CNTN5: variants seen among roughly 807,000 people sequenced by gnomAD.
CNTN5 encodes the protein contactin 5, also known as contactin-5.
A neutral mutation model predicts 129.1 loss-of-function variants in CNTN5; 77 were observed. The ratio of observed to expected loss-of-function variants is 0.60; its 90% CI spans 0.50 to 0.72. The LOEUF (loss-of-function observed/expected upper bound fraction) is 0.72, where lower values mean the gene tolerates loss of function less well. CNTN5 is among the 30% of genes least tolerant of loss of function. The pLI is 0.00. For synonymous variants in CNTN5, 509 were observed against 465.6 expected, an observed-to-expected ratio of 1.09 and a Z score of -1.20; for missense variants, 1,478 against 1,328.8, an observed-to-expected ratio of 1.11 and a Z score of -1.75.
intron 3 of CNTN5, among the ~76,000 whole-genome samples, chr11:99,784,495 C>T (rs1431867788): frequency 1.3e-5 from 2 of 151,798 alleles, no homozygotes; most frequent in Non-Finnish European, 2.9e-5. Context: ...TGGGTTGGTT[C>T]CAAGTCTTTC....
chr11:100,332,948 A>G (rs761591311), intron 21 of CNTN5, among the ~76,000 whole-genome samples: 14 of 152,148 alleles, frequency 9.2e-5, no homozygotes, highest in Non-Finnish European at 1.8e-4. Flanking sequence ...ACCCAGAGCA[A>G]TCAGACAACA....
chr11:99,889,909 A>G (rs1427969551), intron 6 of CNTN5, among the ~76,000 whole-genome samples: 1 of 152,172 alleles, frequency 6.6e-6, no homozygotes, highest in African/African-American at 2.4e-5. Context: ...TAACTTATCT[A>G]AAAATTATTT....
intron 21 of CNTN5, among the ~76,000 whole-genome samples, chr11:100,327,610 A>G (rs978615580): frequency 5.3e-5 from 8 of 152,204 alleles, no homozygotes; most frequent in African/African-American, 1.7e-4. Flanking sequence ...TTTATTCAAC[A>G]GATCGTGCCC....
At chr11:99,852,158 C>CT (rs1332549724) in intron 6 of CNTN5, among the ~76,000 whole-genome samples, 1 of 151,964 alleles carries the variant, frequency 6.6e-6, no homozygotes, top group Non-Finnish European at 1.5e-5. Flanking sequence ...ACAAATGACT[C>CT]TTTTTTTAAG....
At chr11:100,011,733 C>A (rs951002442) in intron 9 of CNTN5, among the ~76,000 whole-genome samples, 2 of 152,048 alleles carry the variant, frequency 1.3e-5, no homozygotes, top group Non-Finnish European at 2.9e-5. Context: ...GTATTTTTTT[C>A]TCTTTTTATA....
chr11:100,001,136 T>C (rs1218818494), intron 8 of CNTN5, among the ~76,000 whole-genome samples: 2 of 152,204 alleles, frequency 1.3e-5, no homozygotes, highest in Non-Finnish European at 1.5e-5. Flanking sequence ...CCGGGTTTAA[T>C]TTCTCAACAG....
chr11:99,682,826 T>C (rs545021992), intron 3 of CNTN5, among the ~76,000 whole-genome samples: 10 of 151,900 alleles, frequency 6.6e-5, no homozygotes, highest in Non-Finnish European at 1.3e-4. Context: ...GCCAAAAGCA[T>C]TAGATGAGAC....
chr11:99,423,994 A>T (rs1446594242), intron 2 of CNTN5, among the ~76,000 whole-genome samples: 1 of 152,152 alleles, frequency 6.6e-6, no homozygotes, highest in Non-Finnish European at 1.5e-5. Context: ...AAGTTCCAAG[A>T]ACCCCATTAG....
chr11:99,105,267 G>T lies in CNTN5; in HGVS notation c.-210+83997G>T, dbSNP rs947589738. Among the ~76,000 whole-genome samples the T allele has an allele frequency of 5.3e-5, 8 of 152,078 alleles. No individual in the cohort carries two copies. In the East Asian group the frequency reaches 1.4e-3, roughly 26 times the overall value. On this transcript the variant is annotated intron_variant, in intron 1 of 24. Transcript: ENST00000524871. The stretch of plus-strand genomic sequence containing the variant: ...AACACAGTGCTTAAAAAGTAATCAC[G>T]CTATAGTAACCAAAAGCATAAAAAA...
chr11:99,941,160 C>T (rs6590446), intron 7 of CNTN5, among the ~76,000 whole-genome samples: 61,497 of 151,642 alleles, frequency 0.41, 12,866 homozygotes, highest in East Asian at 0.63. Context: ...GTCAATCTAA[C>T]GGGACCTATA....
chr11:99,911,624 C>T (rs1002276895), intron 6 of CNTN5, among the ~76,000 whole-genome samples: 1 of 151,732 alleles, frequency 6.6e-6, no homozygotes, highest in African/African-American at 2.4e-5. Flanking sequence ...CTCTATTTCC[C>T]TCCAACACTT....
intron 3 of CNTN5, among the ~76,000 whole-genome samples, chr11:99,800,152 G>A (rs936782477): frequency 6.6e-6 from 1 of 151,728 alleles, no homozygotes; most frequent in African/African-American, 2.4e-5. Flanking sequence ...AGAGATTTTG[G>A]TATGTTGTGT....
intron 1 of CNTN5, among the ~76,000 whole-genome samples, chr11:99,058,289 C>G (rs1864720070): frequency 6.6e-6 from 1 of 151,808 alleles, no homozygotes. Context: ...AGCTAAGAGG[C>G]TATGTCACAT....
At chr11:100,165,344 G>GTGTT (rs1298399510) in intron 13 of CNTN5, among the ~76,000 whole-genome samples, 1 of 151,702 alleles carries the variant, frequency 6.6e-6, no homozygotes, top group African/African-American at 2.4e-5. Flanking sequence ...TCTGTTATCA[G>GTGTT]TGTTTCTCAC....
At chr11:99,233,927 C>G (rs1257218160) in intron 1 of CNTN5, among the ~76,000 whole-genome samples, 2 of 151,790 alleles carry the variant, frequency 1.3e-5, no homozygotes, top group African/African-American at 4.8e-5. Flanking sequence ...GATTGAGCAG[C>G]AGAGCTAGAC....
At chr11:99,565,842 C>A (rs1004127723) in intron 3 of CNTN5, among the ~76,000 whole-genome samples, 4 of 152,086 alleles carry the variant, frequency 2.6e-5, no homozygotes, top group African/African-American at 9.7e-5. Flanking sequence ...TTTCAGCCAA[C>A]CTTCAGAGGG....
At chr11:99,110,258 T>A (rs1041767597) in intron 1 of CNTN5, among the ~76,000 whole-genome samples, 3 of 152,102 alleles carry the variant, frequency 2.0e-5, no homozygotes, top group African/African-American at 7.2e-5. Context: ...GGAAAGAAAG[T>A]GCATGATAAT....
At chr11:99,761,547 A>G (rs1429253289) in intron 3 of CNTN5, among the ~76,000 whole-genome samples, 1 of 151,792 alleles carries the variant, frequency 6.6e-6, no homozygotes, top group Non-Finnish European at 1.5e-5. Context: ...TAGTTTACTG[A>G]GAATGATGAT....
At chr11:100,329,415 C>T (rs1049671949) in intron 21 of CNTN5, among the ~76,000 whole-genome samples, 8 of 152,218 alleles carry the variant, frequency 5.3e-5, no homozygotes, top group African/African-American at 1.7e-4. Flanking sequence ...CCTGAGAAAC[C>T]TGAATACTTA....
Sources: allele counts gnomAD v4.1 joint callset (sites outside exome capture counted in the v4.1 genomes callset), GRCh38; gene constraint gnomAD v4.1.1; transcripts MANE v1.5; gene names NCBI Gene and HGNC (gene_info 2026-07-23, HGNC 2026-07-21).